Variants in CCDC171 observed in about 807,000 individuals in gnomAD.
CCDC171 encodes coiled-coil domain containing 171.
A neutral mutation model predicts 168.2 loss-of-function variants in CCDC171; 177 were observed. The observed-to-expected ratio is 1.05, with a 90% CI of 0.93 to 1.19. The LOEUF is 1.19. CCDC171 is among the 50% of genes most tolerant of loss of function. The pLI, the probability that CCDC171 is intolerant of heterozygous loss-of-function variation, is 0.00. For missense variants in CCDC171, 1,991 were observed against 1,539.0 expected (o/e 1.29, Z -4.91); for synonymous variants, 687 against 540.8 (o/e 1.27, Z -3.75).
In CCDC171 at chr9:15,759,485, G is replaced by A. The variant is rs536091554; in HGVS notation, c.2671+13854G>A. ...CCATTAAACTTTCCCTAGTTGTCCCGACTATGTTCTTTATATAGCAGAAGG... is the reference window on the plus strand; with the variant it reads ...CCATTAAACTTTCCCTAGTTGTCCCAACTATGTTCTTTATATAGCAGAAGG... On this transcript the variant is annotated intron_variant, in intron 18 of 25. Transcript: ENST00000380701. Among the ~76,000 whole-genome samples, 17 of 152,172 alleles carry A rather than the reference G, an allele frequency of 1.1e-4. No homozygotes were observed. The South Asian group carries it at 2.5e-3, about 22-fold the overall frequency.
At chr9:15,555,606 A>G (rs2038724634) in intron 1 of CCDC171, among the ~76,000 whole-genome samples, 1 of 152,208 alleles carries the variant, frequency 6.6e-6, no homozygotes, top group Non-Finnish European at 1.5e-5. Flanking sequence ...GGAGTCAGCT[A>G]ACTTGGGTGT....
intron 3 of CCDC171, among the ~76,000 whole-genome samples, chr9:15,981,171 A>G (rs1332064534): frequency 1.3e-5 from 2 of 152,194 alleles, no homozygotes; most frequent in African/African-American, 2.4e-5. Context: ...GCTAAACCAT[A>G]TCAAAACCCT....
At chr9:15,742,537 C>G (rs2054951022) in intron 16 of CCDC171, among the ~76,000 whole-genome samples, 1 of 152,200 alleles carries the variant, frequency 6.6e-6, no homozygotes. Context: ...TGTCGCACAT[C>G]CTCTTGCAAG....
At chr9:15,926,144 A>G (rs1377228657) in intron 25 of CCDC171, among the ~76,000 whole-genome samples, 2 of 151,786 alleles carry the variant, frequency 1.3e-5, no homozygotes, top group Non-Finnish European at 2.9e-5. Context: ...AAGATAATGT[A>G]TGTGTAGGAG....
intron 24 of CCDC171, among the ~76,000 whole-genome samples, chr9:15,911,173 G>T (rs1431804485): frequency 6.6e-6 from 1 of 152,200 alleles, no homozygotes; most frequent in African/African-American, 2.4e-5. Context: ...TGGTGTAAAA[G>T]TGTTCCTATT....
At chr9:15,621,691 T>C (rs1261981466) in intron 6 of CCDC171, among the ~76,000 whole-genome samples, 1 of 152,174 alleles carries the variant, frequency 6.6e-6, no homozygotes, top group East Asian at 1.9e-4. Context: ...GGAATGTAAG[T>C]TCATTCAACC....
chr9:15,922,068 A>G (rs1048436260), intron 25 of CCDC171: 8 of 257,090 alleles, frequency 3.1e-5, no homozygotes, highest in Non-Finnish European at 6.3e-5. Context: ...TCATACCAAA[A>G]CTCTACTTTT....
intron 10 of CCDC171, among the ~76,000 whole-genome samples, chr9:15,690,890 G>C (rs2050731721): frequency 6.6e-6 from 1 of 152,040 alleles, no homozygotes; most frequent in Non-Finnish European, 1.5e-5. Context: ...AACATGAAAG[G>C]ATGCTAATCT....
intron 16 of CCDC171, among the ~76,000 whole-genome samples, chr9:15,730,242 A>G (rs1249252809): frequency 6.6e-6 from 1 of 151,904 alleles, no homozygotes; most frequent in Non-Finnish European, 1.5e-5. Flanking sequence ...TGCTGATATT[A>G]TATAAGGTTA....
At chr9:15,719,570 A>G (rs1213821934) in intron 11 of CCDC171, among the ~76,000 whole-genome samples, 1 of 152,192 alleles carries the variant, frequency 6.6e-6, no homozygotes, top group Non-Finnish European at 1.5e-5. Flanking sequence ...CCCTCAAGGC[A>G]TTTAATAATT....
chr9:15,758,747 C>G (rs928550549), intron 18 of CCDC171, among the ~76,000 whole-genome samples: 6 of 152,136 alleles, frequency 3.9e-5, no homozygotes, highest in Non-Finnish European at 8.8e-5. Context: ...TTCCCTCTTA[C>G]TGTTCTCGTG....
chr9:16,046,527 A>T (rs544307388), intron 1 of CCDC171, among the ~76,000 whole-genome samples: 1 of 152,320 alleles, frequency 6.6e-6, no homozygotes, highest in African/African-American at 2.4e-5. Context: ...ACACAGTGAT[A>T]TGGTTTGGAT....
rs181990704 is a variant in CCDC171 at position 15,821,915 on chromosome 9, G to T, written c.3268-24787G>T. Among the ~76,000 whole-genome samples the T allele has an allele frequency of 4.1e-5, 2 of 49,270 alleles. 1 individual carries two copies. Among genetic ancestry groups the T allele is most frequent in the Non-Finnish European group, 1.0e-4 (2 of 19,554 alleles). The allele number at this position is 49,270 out of a possible 152,430, so 32.3% of individuals were successfully genotyped here. ...AAAAGAACAAAGCTGGAGGCATCAC[G>T]CTACCTGACTTCAAACTATACAACA... On this transcript the variant is annotated intron_variant, in intron 21 of 25. Coordinates refer to ENST00000380701, the MANE Select transcript of CCDC171 (RefSeq NM_173550.4).
In CCDC171 at chr9:15,578,901, G is replaced by C; in HGVS notation, c.230G>C (p.Gly77Ala). The C allele has an allele frequency of 3.1e-6, 5 of 1,613,940 alleles. No homozygotes were observed. The South Asian group carries it at 3.3e-5, about 11-fold the overall frequency. Residue 77 changes from glycine to alanine, a missense_variant, in exon 4 of 26, where the codon GGA becomes GCA. Gly to Ala is a moderately conservative substitution (Grantham distance 60). Transcript: ENST00000380701. ...AAGCTACGGTCCGAGGTTGAAAAGG[G>C]AGAAGCATTGCGACAAAGTCTGGAA... ...IAKLRSEVEK[G>A]EALRQSLEYD... is the part of the protein sequence containing the mutation.
At chr9:15,884,555 A>G (rs1819137921) in intron 24 of CCDC171, among the ~76,000 whole-genome samples, 1 of 152,192 alleles carries the variant, frequency 6.6e-6, no homozygotes, top group Non-Finnish European at 1.5e-5. Context: ...AGTATTTGGA[A>G]AAGTTGAAAT....
intron 1 of CCDC171, among the ~76,000 whole-genome samples, chr9:16,050,798 T>C (rs1422387858): frequency 6.6e-6 from 1 of 152,254 alleles, no homozygotes; most frequent in African/African-American, 2.4e-5. Flanking sequence ...CTTGAGCTAC[T>C]GCATATGTGG....
chr9:15,915,319 T>G (rs924961695), intron 24 of CCDC171, among the ~76,000 whole-genome samples: 1 of 152,054 alleles, frequency 6.6e-6, no homozygotes, highest in African/African-American at 2.4e-5. Flanking sequence ...TGTTTTGTAG[T>G]TCTACTTATA....
At chr9:15,869,371 C>CGA (rs2061929953) in intron 23 of CCDC171, among the ~76,000 whole-genome samples, 2 of 151,906 alleles carry the variant, frequency 1.3e-5, no homozygotes, top group Non-Finnish European at 2.9e-5. Flanking sequence ...ATGCTTCCTC[C>CGA]TATCACTGGG....
intron 3 of CCDC171, among the ~76,000 whole-genome samples, chr9:15,999,514 C>T (rs1286585255): frequency 1.3e-5 from 2 of 152,128 alleles, no homozygotes; most frequent in Non-Finnish European, 2.9e-5. Flanking sequence ...GCACGCAGCT[C>T]GGACCTCTCT....
Sources: allele counts gnomAD v4.1 joint callset (sites outside exome capture counted in the v4.1 genomes callset), GRCh38; gene constraint gnomAD v4.1.1; transcripts MANE v1.5; gene names NCBI Gene and HGNC (gene_info 2026-07-23, HGNC 2026-07-21).